The following AGBL1 variants were observed in gnomAD, a reference collection of about 807,000 sequenced individuals.
AGBL1 encodes AGBL carboxypeptidase 1, also known as cytosolic carboxypeptidase 4.
AGBL1 carries 130 observed loss-of-function variants against 118.9 expected under a neutral mutation model. The ratio of observed to expected loss-of-function variants is 1.09; its 90% CI spans 0.95 to 1.26. The LOEUF (loss-of-function observed/expected upper bound fraction) is 1.26. Ranked by LOEUF, AGBL1 falls within the 50% of genes most tolerant of loss-of-function variation. The probability of loss-of-function intolerance (pLI) is 0.00; values close to 1 mark genes in which losing one functional copy is unlikely to be tolerated. For missense variants in AGBL1, 1,584 were observed against 1,298.1 expected, an observed-to-expected ratio of 1.22 and a Z score of -3.38; for synonymous variants, 555 against 478.9, an observed-to-expected ratio of 1.16 and a Z score of -2.08.
chr15:86,214,263 C>G (rs144861623), intron 5 of AGBL1, among the ~76,000 whole-genome samples: 2 of 152,166 alleles, frequency 1.3e-5, no homozygotes, highest in East Asian at 3.8e-4. Context: ...GATATCACAT[C>G]TTTTCTTTTG....
intron 16 of AGBL1, 27 bp from the exon 17 acceptor site, chr15:86,295,228 T>C (rs2079614508): frequency 3.1e-6 from 5 of 1,610,610 alleles, no homozygotes; most frequent in South Asian, 1.1e-5. Context: ...GTTGATAATA[T>C]ACATGCCTGC....
intron 22 of AGBL1, among the ~76,000 whole-genome samples, chr15:86,732,842 T>C (rs534698065): frequency 1.3e-5 from 2 of 151,454 alleles, no homozygotes; most frequent in Non-Finnish European, 2.9e-5. Flanking sequence ...ATATTAGGGT[T>C]CTCTAGAGAA....
intron 22 of AGBL1, among the ~76,000 whole-genome samples, chr15:86,895,052 T>TCTTC (rs1555460500): frequency 3.6e-4 from 52 of 145,800 alleles, no homozygotes; most frequent in Non-Finnish European, 1.4e-4. Flanking sequence ...TTTTGTTCCT[T>TCTTC]CTTTCTTTTA....
At chr15:86,861,676 G>A (rs1400206816) in intron 22 of AGBL1, among the ~76,000 whole-genome samples, 2 of 152,138 alleles carry the variant, frequency 1.3e-5, no homozygotes, top group Non-Finnish European at 2.9e-5. Context: ...ATATGTGCTG[G>A]CATATAGTGA....
chr15:86,152,406 A>C (rs953309818), intron 3 of AGBL1, among the ~76,000 whole-genome samples: 10 of 152,276 alleles, frequency 6.6e-5, no homozygotes, highest in Admixed American at 4.6e-4. Context: ...CAAAAACAAG[A>C]AATGGGGAAA....
chr15:86,383,247 TAAAAAAAAAAAAAA>T (rs4035838), intron 17 of AGBL1, among the ~76,000 whole-genome samples: 2 of 54,478 alleles, frequency 3.7e-5, no homozygotes, highest in Non-Finnish European at 3.1e-5. Flanking sequence ...ATTCAGTATG[TAAAAAAAAAAAAAA>T]AAAAAAAAAA....
At chr15:86,489,433 T>C (rs1767932081) in intron 18 of AGBL1, among the ~76,000 whole-genome samples, 1 of 152,170 alleles carries the variant, frequency 6.6e-6, no homozygotes, top group Non-Finnish European at 1.5e-5. Flanking sequence ...ATTGGTAAGT[T>C]GTCATTTTTT....
intron 22 of AGBL1, among the ~76,000 whole-genome samples, chr15:86,738,726 A>G (rs1370433162): frequency 1.3e-5 from 2 of 152,184 alleles, no homozygotes; most frequent in African/African-American, 4.8e-5. Flanking sequence ...AAGAAACATA[A>G]ATATCTCTAT....
chr15:86,384,042 G>T (rs374106022), intron 17 of AGBL1, among the ~76,000 whole-genome samples: 1 of 152,264 alleles, frequency 6.6e-6, no homozygotes, highest in Admixed American at 6.5e-5. Context: ...ATGAGTCTTC[G>T]TGGAGCATGT....
intron 22 of AGBL1, among the ~76,000 whole-genome samples, chr15:86,826,906 A>G (rs575448395): frequency 1.3e-5 from 2 of 152,022 alleles, no homozygotes; most frequent in Non-Finnish European, 2.9e-5. Flanking sequence ...TGCCTGACAT[A>G]ATTATTATAA....
chr15:86,628,855 G>C (rs1221308671), intron 21 of AGBL1, among the ~76,000 whole-genome samples: 1 of 152,012 alleles, frequency 6.6e-6, no homozygotes, highest in Non-Finnish European at 1.5e-5. Flanking sequence ...CTTTACCGAG[G>C]TACAATTGAC....
chr15:86,875,030 G>C (rs896290298), intron 22 of AGBL1, among the ~76,000 whole-genome samples: 1 of 152,080 alleles, frequency 6.6e-6, no homozygotes, highest in Admixed American at 6.5e-5. Flanking sequence ...AGAAAACAAA[G>C]AGATCATAAC....
At chr15:86,371,215 T>A (rs536847607) in intron 17 of AGBL1, among the ~76,000 whole-genome samples, 1 of 152,150 alleles carries the variant, frequency 6.6e-6, no homozygotes, top group South Asian at 2.1e-4. Flanking sequence ...TTTTAAAAAA[T>A]TAAGTTGTGC....
intron 18 of AGBL1, among the ~76,000 whole-genome samples, chr15:86,409,141 G>A (rs1043976433): frequency 1.3e-5 from 2 of 152,142 alleles, no homozygotes; most frequent in South Asian, 4.1e-4. Context: ...AATTTGCAGG[G>A]CATCCGCAAT....
At chr15:86,184,817 C>G (rs139058466) in intron 5 of AGBL1, among the ~76,000 whole-genome samples, 1 of 152,104 alleles carries the variant, frequency 6.6e-6, no homozygotes, top group South Asian at 2.1e-4. Context: ...AAAAAGAGCC[C>G]GCATTGCCAA....
At chr15:86,606,126 C>A (rs1245093228) in intron 21 of AGBL1, among the ~76,000 whole-genome samples, 230 of 96,818 alleles carry the variant, frequency 2.4e-3, no homozygotes, top group Admixed American at 3.1e-3. Flanking sequence ...GACTCCATCT[C>A]AAAAAAAAAA....
intron 21 of AGBL1, among the ~76,000 whole-genome samples, chr15:86,633,865 G>GTATATATATATAATGTA (rs199562622): frequency 9.7e-6 from 1 of 102,944 alleles, no homozygotes; most frequent in African/African-American, 4.2e-5. Context: ...TATATATAAT[G>GTATATATATATAATGTA]TATATATATA....
chr15:86,851,029 G>C (rs964061466), intron 22 of AGBL1, among the ~76,000 whole-genome samples: 1 of 152,038 alleles, frequency 6.6e-6, no homozygotes, highest in Admixed American at 6.6e-5. Context: ...GAGGCTTTTT[G>C]GTCAATTATT....
intron 22 of AGBL1, among the ~76,000 whole-genome samples, chr15:86,845,627 T>C (rs191138085): frequency 7.4e-4 from 113 of 152,312 alleles, no homozygotes; most frequent in Middle Eastern, 3.4e-3. Context: ...TCCATCTCAA[T>C]TATCTGAAAG....
Sources: gnomAD v4.1 joint callset for allele counts (sites outside exome capture counted in the v4.1 genomes callset) on GRCh38, gnomAD v4.1.1 for gene constraint, MANE v1.5 for transcripts, NCBI Gene and HGNC (gene_info 2026-07-23, HGNC 2026-07-21) for gene names.